OS9: variants seen among roughly 807,000 people sequenced by gnomAD.
OS9 encodes the protein OS9 endoplasmic reticulum lectin.
Under a neutral mutation model 84.7 loss-of-function variants are expected in OS9, and 58 were observed. That is an observed-to-expected ratio of 0.68 (90% CI 0.55 to 0.85). The LOEUF is 0.85. Ranked by LOEUF, OS9 falls within the 40% of genes least tolerant of loss-of-function variation. The pLI, the probability that OS9 is intolerant of heterozygous loss-of-function variation, is 0.00. For synonymous variants in OS9, 278 were observed against 320.8 expected, an observed-to-expected ratio of 0.87 and a Z score of 1.43; for missense variants, 760 against 850.9, an observed-to-expected ratio of 0.89 and a Z score of 1.33.
intron 5 of OS9, among the ~76,000 whole-genome samples, chr12:57,703,089 CTT>C (rs1209960632): frequency 2.0e-5 from 3 of 152,116 alleles, no homozygotes; most frequent in Non-Finnish European, 4.4e-5. Flanking sequence ...GAGTTTCACT[CTT>C]GTTGCCCAGG....
Position 57,695,943 on chromosome 12 carries a change from A to C in OS9, c.404-19A>C. The C allele has an allele frequency of 5.6e-6, 9 of 1,605,664 alleles. No homozygotes were observed. The highest frequency in any genetic ancestry group is 7.7e-6 in the Non-Finnish European group (9 of 1,172,310). On this transcript the variant is annotated intron_variant, in intron 3 of 14. Transcript: ENST00000315970. ...CTCCTCTTAAGAGTAACAGTGCTTC[A>C]CTGTGGCTTCCCTTGCAGATTCAGA...
rs1487798120 is a variant in OS9 at position 57,694,789 on chromosome 12, A to G, written c.202A>G (p.Lys68Glu). 6.2e-7 allele frequency: 1 copy of G among 1,614,048 alleles called. No individual in the cohort carries two copies. Among genetic ancestry groups the G allele is most frequent in the Non-Finnish European group, 8.5e-7 (1 of 1,180,010 alleles). The change falls in exon 2 of 15, where the codon AAA (lysine) becomes GAA (glutamate). Residue 68 changes from lysine (K) to glutamate (E), a missense_variant. Transcript: ENST00000315970. Reference sequence around the variant, plus strand: ...CGTGGTGATTGTCTCCTCTAAGTACAAACAGCGCTATGAGTGTCGCCTGCC... The same window carrying G: ...CGTGGTGATTGTCTCCTCTAAGTACGAACAGCGCTATGAGTGTCGCCTGCC... ...SDVVIVSSKYKQRYECRLPAG... is the reference protein window; with the variant it reads ...SDVVIVSSKYEQRYECRLPAG...
intron 5 of OS9, among the ~76,000 whole-genome samples, chr12:57,706,864 AAAAAAG>A (rs199732895): frequency 0.019 from 2,818 of 150,530 alleles, 97 homozygotes; most frequent in African/African-American, 0.063. Context: ...AAAAAAAAAA[AAAAAAG>A]TTTAGATAAA....
intron 5 of OS9, among the ~76,000 whole-genome samples, chr12:57,700,036 A>G (rs554502165): frequency 4.7e-4 from 71 of 152,254 alleles, no homozygotes; most frequent in African/African-American, 1.7e-3. Context: ...CGGAGGTCGC[A>G]GTGAGCTGAT....
rs1257646496 is a variant in OS9 at position 57,718,173 on chromosome 12, C to G, written c.1162C>G (p.Pro388Ala). The G allele has an allele frequency of 1.2e-6, 2 of 1,614,010 alleles. No homozygotes were observed. Among genetic ancestry groups the G allele is most frequent in the Non-Finnish European group, 1.7e-6 (2 of 1,179,992 alleles). The change falls in exon 11 of 15, where the codon CCT becomes GCT. Residue 388 changes from proline (P) to alanine (A), a missense_variant. Transcript: ENST00000315970. ...KGKPNIGQEQ[P>A]VDDAAEVPQR... Reference sequence around the variant, plus strand: ...GAAGCCAAATATAGGCCAAGAGCAGCCTGTGGATGATGCTGCAGAAGTCCC... The same window carrying G: ...GAAGCCAAATATAGGCCAAGAGCAGGCTGTGGATGATGCTGCAGAAGTCCC...
chr12:57,697,349 C>T (rs1306981122), intron 5 of OS9, among the ~76,000 whole-genome samples: 1 of 152,244 alleles, frequency 6.6e-6, no homozygotes, highest in African/African-American at 2.4e-5. Context: ...CTGCCTTGCA[C>T]AAAGGCTAAG....
chr12:57,696,451 TCGGG>T, intron 5 of OS9, 78 bp downstream of exon 5: 2 of 23,526 alleles, frequency 8.5e-5, no homozygotes, highest in Non-Finnish European at 2.7e-4. Flanking sequence ...CATCTTATAG[TCGGG>T]GCGGGGGCGG....
At chr12:57,713,208 T>C (rs374213174) in intron 5 of OS9, among the ~76,000 whole-genome samples, 3 of 152,204 alleles carry the variant, frequency 2.0e-5, no homozygotes, top group African/African-American at 7.2e-5. Flanking sequence ...TTGAAGTGCC[T>C]ATAGGCTTGA....
At chr12:57,718,471 G>A (rs1308301100) in intron 11 of OS9, 50 bp downstream of exon 11, 2 of 1,580,442 alleles carry the variant, frequency 1.3e-6, no homozygotes, top group Non-Finnish European at 1.7e-6. Context: ...TGGTCCCGTG[G>A]AGCAGGACAG....
At chr12:57,716,363 G>C in intron 7 of OS9, 49 bp from the exon 8 acceptor site, 1 of 1,465,604 alleles carries the variant, frequency 6.8e-7, no homozygotes, top group Non-Finnish European at 9.3e-7. Context: ...GCTCCCTTCT[G>C]TCTCACCCCT....
In OS9 at chr12:57,720,434, A is replaced by G. The variant is rs755315292; in HGVS notation, c.1794A>G (p.Pro598=). 10 of 1,613,990 alleles carry G rather than the reference A, an allele frequency of 6.2e-6. No individual in the cohort carries two copies. The Admixed American group carries it at 1.3e-4, about 22-fold the overall frequency. Residue 598 remains proline (P), a synonymous_variant, in exon 14 of 15, where the codon CCA becomes CCG. Transcript: ENST00000315970. ...AAATTGAGATCAAAATTGTCCGCCC[A>G]TGGGCTGAAGGGACTGAAGAGGGTG... ...AGKIEIKIVR[P]WAEGTEEGAR... is the part of the protein sequence containing the mutation.
In OS9 at chr12:57,719,192, G is replaced by A. The variant is rs1329534869; in HGVS notation, c.1600+10G>A. The A allele has an allele frequency of 3.1e-6, 5 of 1,611,978 alleles. No individual in the cohort carries two copies. The highest frequency in any genetic ancestry group is 4.2e-6 in the Non-Finnish European group (5 of 1,178,840). ...TCACCCCAACCTACAGGTGAGAGCA[G>A]TCAGACAAGAAAGAGTAGCCCAGTC... is the stretch of plus-strand genomic sequence containing the variant. On this transcript the variant is annotated intron_variant, in intron 12 of 14. Transcript: ENST00000315970.
chr12:57,719,548 C>G (rs1954614894), intron 12 of OS9: 1 of 227,344 alleles, frequency 4.4e-6, no homozygotes, highest in African/African-American at 2.3e-5. Context: ...GAGGCCCCAG[C>G]TGTCAGGGCA....
chr12:57,705,646 C>T (rs1207256555), intron 5 of OS9, among the ~76,000 whole-genome samples: 1 of 152,152 alleles, frequency 6.6e-6, no homozygotes, highest in East Asian at 1.9e-4. Context: ...CTGCCTCAAC[C>T]TCCCGAGTAG....
intron 10 of OS9, 81 bp from the exon 11 acceptor site, chr12:57,718,065 C>A: frequency 1.3e-6 from 2 of 1,531,372 alleles, no homozygotes; most frequent in Non-Finnish European, 8.9e-7. Flanking sequence ...GTACCACACA[C>A]CTGCTACTGT....
intron 5 of OS9, among the ~76,000 whole-genome samples, chr12:57,713,144 A>G (rs1365842027): frequency 2.6e-5 from 4 of 152,170 alleles, no homozygotes; most frequent in Non-Finnish European, 4.4e-5. Context: ...GCCTGTTGCT[A>G]TCATGGAGCA....
At position 57,716,716 on chromosome 12, in the gene OS9, A is replaced by C. The variant is rs1399257579; in HGVS notation, c.1017A>C (p.Ala339=). ...PAEEQDPSPE[A]ADSASGAPND... The stretch of plus-strand genomic sequence containing the variant: ...AGGAGCAGGACCCAAGCCCTGAGGC[A>C]GCAGATTCAGCTTCTGGTGCTCCCA... The change falls in exon 9 of 15, where the codon GCA becomes GCC. Residue 339 remains alanine (A), a synonymous_variant. Coordinates refer to ENST00000315970, the MANE Select transcript of OS9 (RefSeq NM_006812.4). 6.2e-7 allele frequency: 1 copy of C among 1,613,988 alleles called. No homozygotes were observed. The highest frequency in any genetic ancestry group is 1.7e-5 in the Admixed American group (1 of 60,008).
rs771650926 is a variant in OS9, at chr12:57,717,924, G to T, written c.1100G>T (p.Arg367Leu). Residue 367 changes from arginine to leucine, a missense_variant, in exon 10 of 15, where the codon CGA (arginine) becomes CTA (leucine). By Grantham distance (102) the Arg-to-Leu change is moderately radical. Coordinates refer to ENST00000315970, the MANE Select transcript of OS9 (RefSeq NM_006812.4). ...KVIRSPADLIRFIEELKGGTK... is the reference protein window; with the variant it reads ...KVIRSPADLILFIEELKGGTK... ...ATTCGAAGCCCTGCGGATTTGATTC[G>T]ATTCATAGAGGAGCTGAAAGGTGGA... 2 of 1,612,198 alleles carry T rather than the reference G, an allele frequency of 1.2e-6. No individual in the cohort carries two copies. Among genetic ancestry groups the T allele is most frequent in the Admixed American group, 1.7e-5 (1 of 59,678 alleles).
At chr12:57,708,919 G>C (rs1026949364) in intron 5 of OS9, among the ~76,000 whole-genome samples, 1 of 152,298 alleles carries the variant, frequency 6.6e-6, no homozygotes, top group Middle Eastern at 3.4e-3. Context: ...CTCCAACAAC[G>C]TATGGGAATG....
Sources: allele counts gnomAD v4.1 joint callset (sites outside exome capture counted in the v4.1 genomes callset), GRCh38; gene constraint gnomAD v4.1.1; transcripts MANE v1.5; gene names NCBI Gene and HGNC (gene_info 2026-07-23, HGNC 2026-07-21).